TMEM232: variants seen among roughly 807,000 people sequenced by gnomAD.
The protein encoded by TMEM232 is transmembrane protein 232.
Under a neutral mutation model 78.8 loss-of-function variants are expected in TMEM232, and 80 were observed. The observed-to-expected ratio is 1.01, with a 90% CI of 0.85 to 1.22. The LOEUF (loss-of-function observed/expected upper bound fraction) is 1.22. Ranked by LOEUF, TMEM232 falls within the 50% of genes most tolerant of loss-of-function variation. The pLI is 0.00. For synonymous variants in TMEM232, 297 were observed against 254.3 expected (o/e 1.17, Z -1.60); for missense variants, 881 against 742.2 (o/e 1.19, Z -2.17).
intron 12 of TMEM232, among the ~76,000 whole-genome samples, chr5:110,499,467 G>T (rs1580946759): frequency 6.6e-6 from 1 of 152,112 alleles, no homozygotes; most frequent in Non-Finnish European, 1.5e-5. Flanking sequence ...ATGTTGCCAG[G>T]CTGGTCTAGA....
chr5:110,686,256 C>T (rs1793390757), intron 1 of TMEM232, among the ~76,000 whole-genome samples: 1 of 152,038 alleles, frequency 6.6e-6, no homozygotes, highest in South Asian at 2.1e-4. Context: ...GGCCAAACTA[C>T]TAAAACAGCC....
In TMEM232 at chr5:110,420,662, T is replaced by C; in HGVS notation, c.1892A>G (p.Gln631Arg). The C allele has an allele frequency of 6.5e-7, 1 of 1,527,400 alleles. No homozygotes were observed. The highest frequency in any genetic ancestry group is 8.7e-7 in the Non-Finnish European group (1 of 1,144,168). 94.6% of individuals were successfully genotyped at this position (1,527,400 alleles called of 1,614,324 possible). ...CTCTTCTCTTTTCTTCATAACTTCT[T>C]GAAAGTGATTTTTCTCTGCTAACTT... The part of the protein sequence containing the change: ...DKKLAEKNHF[Q>R]EVMKKREEKL... Residue 631 changes from glutamine (Q) to arginine (R), a missense_variant, in exon 14 of 14, where the codon CAA (glutamine) becomes CGA (arginine). Transcript: ENST00000455884.
intron 3 of TMEM232, chr5:110,397,665 T>C (rs1280244585): frequency 6.6e-6 from 1 of 152,256 alleles, no homozygotes; most frequent in Non-Finnish European, 1.5e-5. Flanking sequence ...TTGTTCACTA[T>C]GTGTTAAACC....
chr5:110,689,281 T>C (rs774724426), intron 1 of TMEM232, among the ~76,000 whole-genome samples: 1 of 152,010 alleles, frequency 6.6e-6, no homozygotes, highest in Non-Finnish European at 1.5e-5. Flanking sequence ...AGTCTTGGAG[T>C]AGCCAATTTA....
rs544426811 is a variant in TMEM232, at chr5:110,570,975, T to C, written c.1277-2350A>G. Among the ~76,000 whole-genome samples the C allele has an allele frequency of 2.2e-3, 336 of 152,028 alleles. 2 individuals carry two copies. The highest frequency in any genetic ancestry group is 7.7e-3 in the African/African-American group (319 of 41,500). On this transcript the variant is annotated intron_variant, in intron 10 of 13. Coordinates refer to ENST00000455884, the MANE Select transcript of TMEM232 (RefSeq NM_001039763.4). ...ACTACTGGAAGTTCTAGAATACACATCTCATTTAATCTTCTAGCTCTTGTA... is the reference window on the plus strand; with the variant it reads ...ACTACTGGAAGTTCTAGAATACACACCTCATTTAATCTTCTAGCTCTTGTA...
intron 12 of TMEM232, among the ~76,000 whole-genome samples, chr5:110,479,972 T>A (rs1763686430): frequency 8.2e-6 from 1 of 121,678 alleles, no homozygotes; most frequent in South Asian, 2.3e-4. Flanking sequence ...ATAATTTCAT[T>A]TTTTTTCCTC....
chr5:110,427,890 G>T (rs555980263), intron 12 of TMEM232, among the ~76,000 whole-genome samples: 8 of 151,410 alleles, frequency 5.3e-5, no homozygotes, highest in Non-Finnish European at 1.2e-4. Context: ...ATATTTAAGG[G>T]GTATATGAGA....
At chr5:110,627,503 T>C (rs888559582) in intron 6 of TMEM232, among the ~76,000 whole-genome samples, 3 of 151,970 alleles carry the variant, frequency 2.0e-5, no homozygotes, top group Admixed American at 1.3e-4. Flanking sequence ...ATGATAACTA[T>C]AGTTAATAAT....
chr5:110,663,303 AAAAC>A (rs1171958233), intron 2 of TMEM232, among the ~76,000 whole-genome samples: 3 of 152,082 alleles, frequency 2.0e-5, no homozygotes, highest in South Asian at 2.1e-4. Flanking sequence ...AGGCACAACA[AAAAC>A]AAAGTTAAAG....
chr5:110,647,139 T>C (rs1787612552), intron 2 of TMEM232, among the ~76,000 whole-genome samples: 1 of 151,922 alleles, frequency 6.6e-6, no homozygotes, highest in South Asian at 2.1e-4. Flanking sequence ...GCATTGTATG[T>C]GTACAAAAAA....
At chr5:110,655,238 G>T (rs1290099262) in intron 2 of TMEM232, among the ~76,000 whole-genome samples, 2 of 151,696 alleles carry the variant, frequency 1.3e-5, no homozygotes, top group Non-Finnish European at 1.5e-5. Context: ...ATCAAAAAGT[G>T]GGCAAAGGAT....
intron 12 of TMEM232, among the ~76,000 whole-genome samples, chr5:110,513,625 T>G (rs529839459): frequency 6.6e-6 from 1 of 151,934 alleles, no homozygotes; most frequent in East Asian, 1.9e-4. Flanking sequence ...GAAATGCAAA[T>G]CAAAACTACA....
chr5:110,538,131 T>C (rs546986995), intron 11 of TMEM232, among the ~76,000 whole-genome samples: 14 of 152,028 alleles, frequency 9.2e-5, no homozygotes, highest in Non-Finnish European at 1.8e-4. Context: ...TAATGTAAAT[T>C]AAGGGGGGTT....
rs1267120453 is a variant in TMEM232 at position 110,638,270 on chromosome 5, C to T, written c.429G>A (p.Ser143=). The T allele has an allele frequency of 1.8e-5, 28 of 1,550,524 alleles. No individual in the cohort carries two copies. Among genetic ancestry groups the T allele is most frequent in the Middle Eastern group, 1.7e-4 (1 of 6,004 alleles). ...CATCACAACACAGTCTGTATAAAAC[C>T]GATTCCGCAACAAAAAATAAGGCAG... ...HLPALFFVAE[S]VLYRLCCDAS... The change falls in exon 5 of 14, where the codon TCG becomes TCA. Residue 143 remains serine, a synonymous_variant. Coordinates refer to ENST00000455884, the MANE Select transcript of TMEM232 (RefSeq NM_001039763.4).
chr5:110,520,050 TAGAGAG>T (rs1554097433), intron 12 of TMEM232, among the ~76,000 whole-genome samples: 1 of 147,232 alleles, frequency 6.8e-6, no homozygotes, highest in African/African-American at 2.5e-5. Flanking sequence ...TATATATATA[TAGAGAG>T]AGAGAGAGAG....
intron 12 of TMEM232, among the ~76,000 whole-genome samples, chr5:110,430,568 A>G (rs1169830400): frequency 6.6e-6 from 1 of 151,756 alleles, no homozygotes; most frequent in Non-Finnish European, 1.5e-5. Context: ...AATACAGACA[A>G]ATAAATGCCT....
At chr5:110,391,039 A>G (rs949800878) in intron 3 of TMEM232, among the ~76,000 whole-genome samples, 61 of 152,368 alleles carry the variant, frequency 4.0e-4, no homozygotes, top group African/African-American at 1.4e-3. Flanking sequence ...ATGATGCCAC[A>G]GTGGTTTAGA....
At chr5:110,585,376 G>T (rs1201536561) in intron 10 of TMEM232, among the ~76,000 whole-genome samples, 1 of 152,128 alleles carries the variant, frequency 6.6e-6, no homozygotes, top group South Asian at 2.1e-4. Flanking sequence ...TGAAGATGAT[G>T]AAGTAAATTT....
At chr5:110,607,105 C>T (rs1781631227) in intron 8 of TMEM232, among the ~76,000 whole-genome samples, 1 of 151,908 alleles carries the variant, frequency 6.6e-6, no homozygotes, top group African/African-American at 2.4e-5. Flanking sequence ...CTAAATCAGA[C>T]CATTCTTATT....
Sources: allele counts gnomAD v4.1 joint callset (sites outside exome capture counted in the v4.1 genomes callset), GRCh38; gene constraint gnomAD v4.1.1; transcripts MANE v1.5; gene names NCBI Gene and HGNC (gene_info 2026-07-23, HGNC 2026-07-21).